Variants in KCNIP4 observed in about 807,000 individuals in gnomAD.
KCNIP4 encodes Kv channel-interacting protein 4.
In KCNIP4, 12 loss-of-function variants were observed where a neutral mutation model predicts 34.0. The observed-to-expected ratio is 0.35, with a 90% CI of 0.23 to 0.57. KCNIP4 has a LOEUF of 0.57. KCNIP4 is among the 20% of genes least tolerant of loss of function. The probability of loss-of-function intolerance (pLI) is 0.83; values close to 1 mark genes in which losing one functional copy is unlikely to be tolerated. For missense variants in KCNIP4, 238 were observed against 311.7 expected (o/e 0.76, Z 1.78); for synonymous variants, 124 against 102.2 (o/e 1.21, Z -1.29).
Position 20,984,611 on chromosome 4 carries a change from C to T in KCNIP4, c.62-101902G>A, listed in dbSNP as rs79923345. Among the ~76,000 whole-genome samples the T allele has an allele frequency of 1.5e-3, 223 of 152,298 alleles. 1 individual carries two copies. The East Asian group carries it at 0.016, about 11-fold the overall frequency. Reference sequence around the variant, plus strand: ...CAATGACTTTGTCAAACGAGAACACCTGAGCCTCCCCCGCCACGCCACTCC... The same window carrying T: ...CAATGACTTTGTCAAACGAGAACACTTGAGCCTCCCCCGCCACGCCACTCC... On this transcript the variant is annotated intron_variant, in intron 1 of 8. Transcript: ENST00000382152.
intron 1 of KCNIP4, among the ~76,000 whole-genome samples, chr4:20,960,920 A>C (rs1012578396): frequency 2.0e-5 from 3 of 152,220 alleles, no homozygotes; most frequent in Non-Finnish European, 4.4e-5. Context: ...TTGGAGACTG[A>C]TCATGAGTAG....
chr4:21,339,641 T>C lies in KCNIP4; in HGVS notation c.62-456932A>G, dbSNP rs867874876. ...AAGACATAGTGGGGAAAAATTGCAA[T>C]TGGAGATTATATTTAAGAAGCAAGG... On this transcript the variant is annotated intron_variant, in intron 1 of 8. Coordinates refer to ENST00000382152, the MANE Select transcript of KCNIP4 (RefSeq NM_025221.6). 1.1e-4 allele frequency among the ~76,000 whole-genome samples: 16 copies of C among 152,244 alleles called. No individual in the cohort carries two copies. In the South Asian group the frequency reaches 3.1e-3, roughly 30 times the overall value.
chr4:20,947,836 C>T (rs1386480529), intron 1 of KCNIP4, among the ~76,000 whole-genome samples: 9 of 152,190 alleles, frequency 5.9e-5, no homozygotes, highest in African/African-American at 1.4e-4. Flanking sequence ...ATTTACATCC[C>T]TACATGCAGT....
intron 3 of KCNIP4, among the ~76,000 whole-genome samples, chr4:20,770,295 C>T (rs1755756632): frequency 1.3e-5 from 2 of 152,222 alleles, no homozygotes; most frequent in South Asian, 4.1e-4. Context: ...GTGTAAAGAC[C>T]AGCTGTGAGG....
chr4:21,237,831 AC>A, intron 1 of KCNIP4, among the ~76,000 whole-genome samples: 1 of 152,342 alleles, frequency 6.6e-6, no homozygotes, highest in East Asian at 1.9e-4. Flanking sequence ...TCCTTCTGAA[AC>A]TATTCCAATC....
chr4:21,396,610 G>A (rs984393669), intron 1 of KCNIP4, among the ~76,000 whole-genome samples: 3 of 142,362 alleles, frequency 2.1e-5, no homozygotes. Flanking sequence ...ACTATCAAAA[G>A]TTAGAGAGAT....
At chr4:21,260,042 A>G (rs1761364387) in intron 1 of KCNIP4, among the ~76,000 whole-genome samples, 1 of 152,178 alleles carries the variant, frequency 6.6e-6, no homozygotes. Context: ...CTGAAGATGC[A>G]TTAAAACACA....
chr4:21,375,115 A>G (rs545403070), intron 1 of KCNIP4, among the ~76,000 whole-genome samples: 4 of 147,630 alleles, frequency 2.7e-5, no homozygotes, highest in Non-Finnish European at 5.9e-5. Flanking sequence ...ACAGCTTGCA[A>G]ATAGGTTACT....
chr4:20,882,618 A>T lies in KCNIP4; in HGVS notation c.153T>A (p.Pro51=). The T allele has an allele frequency of 6.2e-7, 1 of 1,612,534 alleles. No homozygotes were observed. The highest frequency in any genetic ancestry group is 1.3e-5 in the African/African-American group (1 of 74,990). The part of the protein sequence containing the change: ...LPCSAAKTSS[P]AIQNSVEDEL... The stretch of plus-strand genomic sequence containing the variant: ...AAAAAACAAACTTGCTTTGAATAGC[A>T]GGAGACGACGTTTTGGCAGCTGAGC... The change falls in exon 2 of 9, where the codon CCT becomes CCA. Residue 51 remains proline (P), a synonymous_variant. Transcript: ENST00000382152.
intron 1 of KCNIP4, among the ~76,000 whole-genome samples, chr4:20,943,780 C>T (rs1185658021): frequency 6.6e-6 from 1 of 152,144 alleles, no homozygotes; most frequent in Non-Finnish European, 1.5e-5. Flanking sequence ...GCTTTGTAAT[C>T]AGGGCTAAGC....
At chr4:21,604,768 T>A (rs1472749038) in intron 1 of KCNIP4, among the ~76,000 whole-genome samples, 1 of 152,212 alleles carries the variant, frequency 6.6e-6, no homozygotes. Context: ...TTTGGTACAC[T>A]AAATTTAGAC....
Position 21,778,222 on chromosome 4 carries a change from T to C in KCNIP4, c.61+170349A>G, listed in dbSNP as rs76051622. 1.7e-4 allele frequency among the ~76,000 whole-genome samples: 22 copies of C among 132,120 alleles called. 2 individuals carry two copies. Among genetic ancestry groups the C allele is most frequent in the African/African-American group, 6.0e-4 (19 of 31,856 alleles). The allele number at this position is 132,120 out of a possible 152,430, so 86.7% of individuals were successfully genotyped here. On this transcript the variant is annotated intron_variant, in intron 1 of 8. Transcript: ENST00000382152. ...TTTTATTTGTTTCTTTTTCCTTTTT[T>C]CCTTTTTTTTTTTCTTTTTTTTTTT...
intron 1 of KCNIP4, among the ~76,000 whole-genome samples, chr4:21,498,231 T>C (rs146926161): frequency 6.6e-6 from 1 of 152,328 alleles, no homozygotes; most frequent in African/African-American, 2.4e-5. Context: ...TTGAATTAAC[T>C]GAGAAAAAAT....
intron 1 of KCNIP4, among the ~76,000 whole-genome samples, chr4:21,757,172 AAGG>A (rs1717649975): frequency 3.1e-5 from 1 of 32,232 alleles, no homozygotes; most frequent in African/African-American, 1.8e-4. Flanking sequence ...AGAAAGAAGG[AAGG>A]AAGGAAGGAA....
intron 1 of KCNIP4, among the ~76,000 whole-genome samples, chr4:21,589,328 G>A (rs358828): frequency 0.87 from 123,339 of 142,546 alleles, 53,568 homozygotes; most frequent in East Asian, 0.99. Context: ...ACATATACAC[G>A]TGTATATATA....
At chr4:20,792,730 G>T (rs1467245767) in intron 3 of KCNIP4, among the ~76,000 whole-genome samples, 1 of 152,036 alleles carries the variant, frequency 6.6e-6, no homozygotes, top group Non-Finnish European at 1.5e-5. Flanking sequence ...AATATTTATA[G>T]ATCTAATAAT....
intron 1 of KCNIP4, among the ~76,000 whole-genome samples, chr4:21,374,116 C>T (rs544668054): frequency 6.8e-6 from 1 of 147,588 alleles, no homozygotes; most frequent in South Asian, 2.1e-4. Context: ...AGGATTGCTA[C>T]ATCGATATTA....
intron 1 of KCNIP4, among the ~76,000 whole-genome samples, chr4:21,109,700 C>A (rs964806402): frequency 6.6e-6 from 1 of 152,180 alleles, no homozygotes; most frequent in African/African-American, 2.4e-5. Context: ...GCATGACTCA[C>A]GCTGGGAGCT....
chr4:21,453,056 CCAG>C (rs1348745601), intron 1 of KCNIP4, among the ~76,000 whole-genome samples: 1 of 151,976 alleles, frequency 6.6e-6, no homozygotes, highest in Non-Finnish European at 1.5e-5. Flanking sequence ...TTCCTTATGG[CCAG>C]TCATTTTAGA....
Sources: allele counts gnomAD v4.1 joint callset (sites outside exome capture counted in the v4.1 genomes callset), GRCh38; gene constraint gnomAD v4.1.1; transcripts MANE v1.5; gene names NCBI Gene and HGNC (gene_info 2026-07-23, HGNC 2026-07-21).